Variants in CNTN6 observed in about 807,000 individuals in gnomAD.
CNTN6 encodes contactin-6.
CNTN6 carries 137 observed loss-of-function variants against 122.8 expected under a neutral mutation model. That is an observed-to-expected ratio of 1.12 (90% CI 0.97 to 1.29). The LOEUF is 1.29. Ranked by LOEUF, CNTN6 falls within the 50% of genes most tolerant of loss-of-function variation. CNTN6 has a pLI of 0.00. For synonymous variants in CNTN6, 570 were observed against 426.0 expected, an observed-to-expected ratio of 1.34 and a Z score of -4.16; for missense variants, 1,634 against 1,223.4, an observed-to-expected ratio of 1.34 and a Z score of -5.01.
chr3:1,337,565 C>T (rs1049676464), intron 11 of CNTN6, among the ~76,000 whole-genome samples: 1 of 152,110 alleles, frequency 6.6e-6, no homozygotes, highest in Non-Finnish European at 1.5e-5. Flanking sequence ...GTATCTCCAA[C>T]TACTTAATAT....
In CNTN6 at chr3:1,245,276, CACACACATATATATATAACATATATATAT is replaced by C. The variant is rs2094558473; in HGVS notation, c.358+17285_358+17313del. The stretch of plus-strand genomic sequence containing the variant: ...TATATAACATATATATATATATATA[CACACACATATATATATAACATATATATAT>C]ATATATATATATATATATATATATA... On this transcript the variant is annotated intron_variant, in intron 4 of 22. Transcript: ENST00000446702. 1.6e-3 allele frequency among the ~76,000 whole-genome samples: 11 copies of C among 7,086 alleles called. 4 individuals are homozygous for C. Among genetic ancestry groups the C allele is most frequent in the Non-Finnish European group, 3.1e-3 (10 of 3,264 alleles). The allele number at this position is 7,086 out of a possible 152,430, so 4.6% of individuals were successfully genotyped here.
At chr3:1,100,001 A>G (rs2090792643) in intron 1 of CNTN6, among the ~76,000 whole-genome samples, 1 of 152,124 alleles carries the variant, frequency 6.6e-6, no homozygotes. Context: ...ACTTGTTTAA[A>G]TTTACTCTGA....
At chr3:1,162,527 C>T (rs1249337690) in intron 2 of CNTN6, among the ~76,000 whole-genome samples, 1 of 152,174 alleles carries the variant, frequency 6.6e-6, no homozygotes. Context: ...ATTGTCTTTT[C>T]CACTTTGTCC....
chr3:1,148,500 A>G (rs967362439), intron 2 of CNTN6, among the ~76,000 whole-genome samples: 1 of 152,112 alleles, frequency 6.6e-6, no homozygotes, highest in African/African-American at 2.4e-5. Context: ...CAAAAAAATC[A>G]AAGCTATATT....
At chr3:1,267,611 T>C (rs79212953) in intron 4 of CNTN6, among the ~76,000 whole-genome samples, 2,703 of 152,330 alleles carry the variant, frequency 0.018, 86 homozygotes, top group African/African-American at 0.062. Context: ...ATTGGAATGC[T>C]GATATCCAAG....
chr3:1,151,407 G>A (rs1411478101), intron 2 of CNTN6, among the ~76,000 whole-genome samples: 1 of 152,094 alleles, frequency 6.6e-6, no homozygotes, highest in Non-Finnish European at 1.5e-5. Context: ...GTGTATTAAA[G>A]TTACAGTCAT....
In CNTN6 at chr3:1,265,314, G is replaced by C. The variant is rs556249202; in HGVS notation, c.359-13099G>C. 2.0e-5 allele frequency among the ~76,000 whole-genome samples: 3 copies of C among 152,212 alleles called. No individual in the cohort carries two copies. The South Asian group carries it at 6.2e-4, about 32-fold the overall frequency. On this transcript the variant is annotated intron_variant, in intron 4 of 22. Coordinates refer to ENST00000446702, the MANE Select transcript of CNTN6 (RefSeq NM_001289080.2). Reference sequence around the variant, plus strand: ...CACCTCTAAATGAAACCTAGTCACTGTTCTCTGGAAAAATCAGTGTCCAGG... The same window carrying C: ...CACCTCTAAATGAAACCTAGTCACTCTTCTCTGGAAAAATCAGTGTCCAGG...
At chr3:1,243,205 C>G (rs9857510) in intron 4 of CNTN6, among the ~76,000 whole-genome samples, 18 of 151,886 alleles carry the variant, frequency 1.2e-4, no homozygotes, top group African/African-American at 4.3e-4. Flanking sequence ...AGATGGGACG[C>G]GGCTTACGAG....
At chr3:1,282,536 A>C (rs1368584844) in intron 5 of CNTN6, among the ~76,000 whole-genome samples, 1 of 152,212 alleles carries the variant, frequency 6.6e-6, no homozygotes. Context: ...ATTGTAACTG[A>C]ATCTCTGTCC....
chr3:1,125,192 TCTTTA>T (rs1366987309), intron 1 of CNTN6, among the ~76,000 whole-genome samples: 1 of 152,006 alleles, frequency 6.6e-6, no homozygotes, highest in African/African-American at 2.4e-5. Flanking sequence ...GTTATCTAAA[TCTTTA>T]CTTATCTGTC....
At chr3:1,388,257 G>C (rs1379569194) in intron 20 of CNTN6, among the ~76,000 whole-genome samples, 4 of 149,178 alleles carry the variant, frequency 2.7e-5, no homozygotes, top group Non-Finnish European at 4.5e-5. Flanking sequence ...CCTGACCCCT[G>C]ACCCCCGAGC....
At chr3:1,309,766 C>G (rs1392977118) in intron 7 of CNTN6, among the ~76,000 whole-genome samples, 1 of 152,170 alleles carries the variant, frequency 6.6e-6, no homozygotes. Context: ...TCCATGAACA[C>G]AGACTATTTC....
At chr3:1,387,805 G>T (rs555544531) in intron 20 of CNTN6, among the ~76,000 whole-genome samples, 3 of 152,162 alleles carry the variant, frequency 2.0e-5, no homozygotes, top group Admixed American at 6.5e-5. Context: ...GGTGACGGAC[G>T]CACCTGGAAA....
intron 4 of CNTN6, among the ~76,000 whole-genome samples, chr3:1,239,900 G>A (rs537494028): frequency 6.6e-6 from 1 of 152,124 alleles, no homozygotes; most frequent in Non-Finnish European, 1.5e-5. Context: ...CCTCAACAAA[G>A]CAAACAAAAA....
chr3:1,212,259 T>TTG (rs2094051473), intron 2 of CNTN6, among the ~76,000 whole-genome samples: 1 of 150,108 alleles, frequency 6.7e-6, no homozygotes, highest in African/African-American at 2.4e-5. Flanking sequence ...CTTGTTTTTT[T>TTG]TTTTTTTTTT....
chr3:1,181,922 C>A (rs1336982254), intron 2 of CNTN6, among the ~76,000 whole-genome samples: 1 of 152,014 alleles, frequency 6.6e-6, no homozygotes, highest in Non-Finnish European at 1.5e-5. Flanking sequence ...TCATAAAATA[C>A]CTCCTCTGCC....
At chr3:1,314,927 G>C (rs1352747467) in intron 7 of CNTN6, among the ~76,000 whole-genome samples, 1 of 151,834 alleles carries the variant, frequency 6.6e-6, no homozygotes, top group Non-Finnish European at 1.5e-5. Flanking sequence ...CCTCATCTAT[G>C]GTCTGAGGAA....
chr3:1,353,848 A>C (rs1399732653), intron 12 of CNTN6, among the ~76,000 whole-genome samples: 1 of 151,652 alleles, frequency 6.6e-6, no homozygotes, highest in Non-Finnish European at 1.5e-5. Flanking sequence ...AAAAATCCAG[A>C]GGGCATTAAA....
chr3:1,298,493 C>G (rs987539252), intron 7 of CNTN6: 1 of 152,294 alleles, frequency 6.6e-6, no homozygotes, highest in African/African-American at 2.4e-5. Flanking sequence ...CCAACCTTCC[C>G]TGATAGTGGA....
Sources: gnomAD v4.1 joint callset for allele counts (sites outside exome capture counted in the v4.1 genomes callset) on GRCh38, gnomAD v4.1.1 for gene constraint, MANE v1.5 for transcripts, NCBI Gene and HGNC (gene_info 2026-07-23, HGNC 2026-07-21) for gene names.